The following BMX variants were observed in gnomAD, a reference collection of about 807,000 sequenced individuals.
BMX encodes cytoplasmic tyrosine-protein kinase BMX.
BMX carries 31 observed loss-of-function variants against 59.2 expected under a neutral mutation model. The observed-to-expected ratio is 0.52, with a 90% CI of 0.39 to 0.71. The LOEUF (loss-of-function observed/expected upper bound fraction) is 0.71, where lower values mean the gene tolerates loss of function less well. Among genes scored for constraint, BMX ranks in the 30% least tolerant of loss-of-function variants. The pLI is 0.00. For synonymous variants in BMX, 185 were observed against 181.0 expected (o/e 1.02, Z -0.18); for missense variants, 474 against 491.7 (o/e 0.96, Z 0.34).
Position 15,525,368 on chromosome X carries a change from A to C in BMX, c.830+3A>C. On this transcript the variant is annotated splice_donor_region_variant and intron_variant, in intron 8 of 18. Transcript: ENST00000348343. ...CACACCACCTCAAAGATTTCATGGT[A>C]AATCAAATTCAGATATCTCCTACAT... 8.3e-7 allele frequency: 1 copy of C among 1,200,029 alleles called. No individual in the cohort carries two copies. Among genetic ancestry groups the C allele is most frequent in the Non-Finnish European group, 1.1e-6 (1 of 885,684 alleles).
intron 13 of BMX, 111 bp from the exon 14 acceptor site, chrX:15,537,023 T>C: frequency 1.2e-6 from 1 of 807,178 alleles, no homozygotes; most frequent in Non-Finnish European, 1.8e-6. Flanking sequence ...ATAAAAAGTC[T>C]TGTTTATATT....
Position 15,500,939 on chromosome X carries a change from C to T in BMX, c.-11C>T. 2 of 754,445 alleles carry T rather than the reference C, an allele frequency of 2.7e-6. No homozygotes were observed. Among genetic ancestry groups the T allele is most frequent in the Non-Finnish European group, 3.1e-6 (2 of 639,439 alleles). The allele number at this position is 754,445 out of a possible 1,213,427, so 62.2% of individuals were successfully genotyped here. ...CAGGCAAGCACGGAACAAGCTGAGA[C>T]GGTGCGTTTAAGCGGCAGGTGGCTA... is the stretch of plus-strand genomic sequence containing the variant. On this transcript the variant is annotated splice_region_variant and 5_prime_UTR_variant, in exon 1 of 19. In the 5' UTR this introduces an upstream ATG that the reference lacks. Transcript: ENST00000348343.
rs763908662 is a variant in BMX, at chrX:15,524,121, T to A, written c.753-1167T>A. 1.6e-3 allele frequency among the ~76,000 whole-genome samples: 180 copies of A among 112,262 alleles called. 1 individual carries two copies. The highest frequency in any genetic ancestry group is 5.6e-3 in the African/African-American group (173 of 30,954). On this transcript the variant is annotated intron_variant, in intron 7 of 18. Transcript: ENST00000348343. Reference sequence around the variant, plus strand: ...ATCTACTTTCTGTTTAGTAAGATAATCTATGCCCCCATTAAATCATTCAAA... The same window carrying A: ...ATCTACTTTCTGTTTAGTAAGATAAACTATGCCCCCATTAAATCATTCAAA...
chrX:15,527,247 AATATATATATAT>A (rs34046926), intron 9 of BMX, among the ~76,000 whole-genome samples: 23 of 56,360 alleles, frequency 4.1e-4, no homozygotes, highest in South Asian at 1.2e-3. Flanking sequence ...CACACACACA[AATATATATATAT>A]ATATATATAT....
intron 14 of BMX, among the ~76,000 whole-genome samples, chrX:15,541,547 G>A (rs1323408752): frequency 6.3e-5 from 7 of 111,492 alleles, no homozygotes; most frequent in East Asian, 5.6e-4. Context: ...TACATTCTTC[G>A]TATTCTAATA....
intron 15 of BMX, among the ~76,000 whole-genome samples, chrX:15,542,643 G>A (rs1925750977): frequency 2.7e-5 from 3 of 111,711 alleles, no homozygotes; most frequent in Middle Eastern, 4.6e-3. Context: ...TATTCACTGG[G>A]ATTTATCTTT....
chrX:15,505,990 C>T (rs889347051), intron 1 of BMX, among the ~76,000 whole-genome samples: 2 of 110,763 alleles, frequency 1.8e-5, no homozygotes, highest in Non-Finnish European at 3.8e-5. Flanking sequence ...AGTGCAGTGG[C>T]GTGATCCTCC....
chrX:15,535,731 T>C (rs1342883754), intron 12 of BMX, among the ~76,000 whole-genome samples: 1 of 97,845 alleles, frequency 1.0e-5, no homozygotes, highest in Non-Finnish European at 2.1e-5. Flanking sequence ...CAGACAAATA[T>C]ATAGAAAAAG....
Position 15,519,713 on chromosome X carries a change from G to A in BMX, c.510+1720G>A, listed in dbSNP as rs144816401. ...GTACAAGTAGCATAGCACTGGCATC[G>A]GCATCTGATGAGGGCCTTAGGCTGC... On this transcript the variant is annotated intron_variant, in intron 6 of 18. Transcript: ENST00000348343. Among the ~76,000 whole-genome samples, 445 of 111,946 alleles carry A rather than the reference G, an allele frequency of 4.0e-3. 1 individual carries two copies. Among genetic ancestry groups the A allele is most frequent in the African/African-American group, 0.013 (416 of 30,840 alleles).
intron 11 of BMX, among the ~76,000 whole-genome samples, chrX:15,533,747 G>T (rs969940780): frequency 2.7e-5 from 3 of 111,497 alleles, no homozygotes; most frequent in Non-Finnish European, 3.8e-5. Flanking sequence ...ACTTCATTCT[G>T]CATGCCCCAA....
At chrX:15,518,667 T>C (rs1924283897) in intron 6 of BMX, among the ~76,000 whole-genome samples, 1 of 111,312 alleles carries the variant, frequency 9.0e-6, no homozygotes, top group African/African-American at 3.3e-5. Flanking sequence ...CCTGGCAGCA[T>C]GCTTTTGGGG....
At chrX:15,509,699 GCTGAGTAT>G (rs1409314099) in intron 3 of BMX, among the ~76,000 whole-genome samples, 2 of 110,891 alleles carry the variant, frequency 1.8e-5, no homozygotes, top group Non-Finnish European at 3.8e-5. Flanking sequence ...AACAAACATT[GCTGAGTAT>G]CTCCGATGTG....
intron 17 of BMX, 89 bp from the exon 18 acceptor site, chrX:15,549,751 T>C: frequency 9.5e-7 from 1 of 1,053,822 alleles, no homozygotes; most frequent in East Asian, 3.1e-5. Flanking sequence ...CTTCCTGACC[T>C]GTTGTGTGAA....
intron 14 of BMX, among the ~76,000 whole-genome samples, chrX:15,540,052 A>C (rs1283096847): frequency 8.9e-6 from 1 of 112,175 alleles, no homozygotes; most frequent in Admixed American, 9.4e-5. Context: ...AACCAGAAAT[A>C]TCATTTGACC....
chrX:15,509,460 G>A (rs771106652), intron 3 of BMX, 27 bp downstream of exon 3: 2 of 1,019,423 alleles, frequency 2.0e-6, no homozygotes, highest in East Asian at 3.2e-5. Flanking sequence ...CATTGCATTG[G>A]GTGGATAGTT....
chrX:15,506,228 T>C (rs1229598137), intron 1 of BMX, among the ~76,000 whole-genome samples: 2 of 111,480 alleles, frequency 1.8e-5, no homozygotes, highest in Non-Finnish European at 3.8e-5. Context: ...GACAGAAAAA[T>C]ATGTATACCA....
At chrX:15,537,419 T>C (rs1365526894) in intron 14 of BMX, 114 bp downstream of exon 14, 3 of 761,063 alleles carry the variant, frequency 3.9e-6, no homozygotes, top group Non-Finnish European at 5.7e-6. Flanking sequence ...TACTGTATCA[T>C]AGACATAAAT....
chrX:15,512,956 A>G (rs1222803197), intron 4 of BMX, among the ~76,000 whole-genome samples: 2 of 111,559 alleles, frequency 1.8e-5, no homozygotes, highest in Non-Finnish European at 3.8e-5. Flanking sequence ...TACGAAATGT[A>G]AAGGAAGAGC....
At chrX:15,533,029 A>G (rs1925156396) in intron 11 of BMX, among the ~76,000 whole-genome samples, 1 of 112,685 alleles carries the variant, frequency 8.9e-6, no homozygotes, top group African/African-American at 3.2e-5. Flanking sequence ...AAAGAATCAA[A>G]TGAATACAGA....
Sources: gnomAD v4.1 joint callset for allele counts (sites outside exome capture counted in the v4.1 genomes callset) on GRCh38, gnomAD v4.1.1 for gene constraint, MANE v1.5 for transcripts, NCBI Gene and HGNC (gene_info 2026-07-23, HGNC 2026-07-21) for gene names.